Variants in C11orf86 observed in about 807,000 individuals in gnomAD.
The protein encoded by C11orf86 is uncharacterized protein C11orf86.
Under a neutral mutation model 11.1 loss-of-function variants are expected in C11orf86, and 13 were observed. The observed-to-expected ratio is 1.17, with a 90% CI of 0.76 to 1.86. The LOEUF (loss-of-function observed/expected upper bound fraction) is 1.86, where lower values mean the gene tolerates loss of function less well. Among genes scored for constraint, C11orf86 ranks in the 40% most tolerant of loss-of-function variants. C11orf86 has a pLI of 0.00. For missense variants in C11orf86, 144 were observed against 146.5 expected, an observed-to-expected ratio of 0.98 and a Z score of 0.09; for synonymous variants, 86 against 64.7, an observed-to-expected ratio of 1.33 and a Z score of -1.58.
chr11:66,976,418 G>T lies in C11orf86; in HGVS notation c.*167G>T. 1 of 649,158 alleles carries T rather than the reference G, an allele frequency of 1.5e-6. No individual in the cohort carries two copies. The highest frequency in any genetic ancestry group is 2.7e-6 in the Non-Finnish European group (1 of 367,964). The allele number at this position is 649,158 out of a possible 1,614,324, so 40.2% of individuals were successfully genotyped here. On this transcript the variant is annotated 3_prime_UTR_variant, in exon 2 of 2. Coordinates refer to ENST00000683896, the MANE Select transcript of C11orf86 (RefSeq NM_001353554.2). ...ACCAGCTCACTGGAGTCGCCACGTGGCTGCCACTCTTAGCTCTGGCCCTTC... is the reference window on the plus strand; with the variant it reads ...ACCAGCTCACTGGAGTCGCCACGTGTCTGCCACTCTTAGCTCTGGCCCTTC...
At chr11:66,975,716 G>C (rs1345112466) in intron 1 of C11orf86, 78 bp downstream of exon 1, 64 of 1,501,210 alleles carry the variant, frequency 4.3e-5, no homozygotes, top group African/African-American at 2.8e-5. Context: ...TTCAGAGACA[G>C]AGCCAGCCCA....
rs1212881560 is a variant in C11orf86 at position 66,975,600 on chromosome 11, C to T, written c.238C>T (p.Arg80Ter). The T allele has an allele frequency of 1.4e-5, 22 of 1,551,264 alleles. No homozygotes were observed. Among genetic ancestry groups the T allele is most frequent in the East Asian group, 2.4e-5 (1 of 40,928 alleles). ...CACAGAGCAGCTGATCCAAGCCCAG[C>T]GAAGAGGCAGCCGGTGGTGGCTGAG... is the stretch of plus-strand genomic sequence containing the variant. ...GDTEQLIQAQRRGSRWWLRRY... is the reference protein window; with the variant it reads ...GDTEQLIQAQ The change falls in exon 1 of 2, where the codon CGA (arginine) becomes TGA (stop). Residue 80 changes from arginine (R) to a stop codon, truncating the protein, a stop_gained. Transcript: ENST00000683896. LOFTEE classifies it low-confidence loss of function (END_TRUNC).
Position 66,975,553 on chromosome 11 carries a change from G to C in C11orf86, c.191G>C (p.Arg64Pro). ...GGGCCAGATGCCACTGCCCAGGAGC[G>C]GGTGCCGGGGAGCCTGGGGGACACA... ...TEGPDATAQE[R>P]VPGSLGDTEQ... The change falls in exon 1 of 2, where the codon CGG (arginine) becomes CCG (proline). Residue 64 changes from arginine (R) to proline (P), a missense_variant. Physicochemically the swap from Arg to Pro is moderately radical, Grantham distance 103. Coordinates refer to ENST00000683896, the MANE Select transcript of C11orf86 (RefSeq NM_001353554.2). 6.4e-7 allele frequency: 1 copy of C among 1,551,458 alleles called. No individual in the cohort carries two copies. Among genetic ancestry groups the C allele is most frequent in the Admixed American group, 2.0e-5 (1 of 50,978 alleles).
rs184875139 is a variant in C11orf86, at chr11:66,975,512, C to T, written c.150C>T (p.Leu50=). The T allele has an allele frequency of 8.4e-6, 13 of 1,551,394 alleles. No individual in the cohort carries two copies. Among genetic ancestry groups the T allele is most frequent in the South Asian group, 1.2e-5 (1 of 84,064 alleles). The change falls in exon 1 of 2, where the codon CTC becomes CTT. Residue 50 remains leucine, a synonymous_variant. Coordinates refer to ENST00000683896, the MANE Select transcript of C11orf86 (RefSeq NM_001353554.2). ...AAGAGAAGTCCAGGTCCCAGGGCCTCGAGAGAGGCACAGAAGGGCCAGATG... is the reference window on the plus strand; with the variant it reads ...AAGAGAAGTCCAGGTCCCAGGGCCTTGAGAGAGGCACAGAAGGGCCAGATG... ...QGQEKSRSQG[L]ERGTEGPDAT...
Position 66,975,498 on chromosome 11 carries a change from A to C in C11orf86, c.136A>C (p.Arg46=). The C allele has an allele frequency of 6.4e-7, 1 of 1,551,558 alleles. No homozygotes were observed. The highest frequency in any genetic ancestry group is 1.2e-5 in the South Asian group (1 of 84,058). ...CCTCAGACAGGGGCAAGAGAAGTCC[A>C]GGTCCCAGGGCCTCGAGAGAGGCAC... The part of the protein sequence containing the change: ...LSLRQGQEKS[R]SQGLERGTEG... Residue 46 remains arginine (R), a synonymous_variant, in exon 1 of 2, where the codon AGG becomes CGG. Coordinates refer to ENST00000683896, the MANE Select transcript of C11orf86 (RefSeq NM_001353554.2).
intron 1 of C11orf86, 53 bp downstream of exon 1, chr11:66,975,691 C>G: frequency 6.6e-7 from 1 of 1,524,216 alleles, no homozygotes; most frequent in Non-Finnish European, 8.8e-7. Flanking sequence ...GGCAGGGATT[C>G]CAGGGCAGGA....
rs1038707122 is a variant in C11orf86, at chr11:66,975,402, C to G, written c.40C>G (p.Arg14Gly). The G allele has an allele frequency of 1.3e-6, 2 of 1,550,648 alleles. No individual in the cohort carries two copies. Among genetic ancestry groups the G allele is most frequent in the African/African-American group, 2.7e-5 (2 of 73,010 alleles). ...GLRSQSLREP[R>G]PSYGKLQEPW... ...GCGAAGTCAGTCCTTGCGAGAGCCC[C>G]GACCCTCCTATGGAAAGCTGCAGGA... Residue 14 changes from arginine to glycine, a missense_variant, in exon 1 of 2, where the codon CGA becomes GGA. By Grantham distance (125) the Arg-to-Gly change is moderately radical. Coordinates refer to ENST00000683896, the MANE Select transcript of C11orf86 (RefSeq NM_001353554.2).
At chr11:66,975,729 C>T in intron 1 of C11orf86, 91 bp downstream of exon 1, 1 of 1,481,128 alleles carries the variant, frequency 6.8e-7, no homozygotes, top group Non-Finnish European at 8.9e-7. Flanking sequence ...CCAGCCCAGG[C>T]TGTGTACCAA....
intron 1 of C11orf86, among the ~76,000 whole-genome samples, chr11:66,975,911 T>C (rs1299764540): frequency 6.6e-6 from 1 of 152,146 alleles, no homozygotes; most frequent in Non-Finnish European, 1.5e-5. Context: ...ATTGATAGTA[T>C]GCTGGATGGG....
At chr11:66,976,072 C>A in intron 1 of C11orf86, 105 bp from the exon 2 acceptor site, 1 of 1,070,956 alleles carries the variant, frequency 9.3e-7, no homozygotes, top group Non-Finnish European at 1.4e-6. Context: ...CTCCAATGAG[C>A]AGTGCTTCTC....
Position 66,975,443 on chromosome 11 carries a change from C to G in C11orf86, c.81C>G (p.Pro27=), listed in dbSNP as rs1032133392. Residue 27 remains proline (P), a synonymous_variant, in exon 1 of 2, where the codon CCC becomes CCG. Transcript: ENST00000683896. ...AGCTGCAGGAGCCCTGGGGGAGGCC[C>G]CAGGAGGGCCAACTCCGCAGGGCGC... ...YGKLQEPWGR[P]QEGQLRRALS... The G allele has an allele frequency of 1.9e-6, 3 of 1,550,880 alleles. No homozygotes were observed. Among genetic ancestry groups the G allele is most frequent in the Admixed American group, 2.0e-5 (1 of 50,884 alleles).
chr11:66,976,112 A>T, intron 1 of C11orf86, 65 bp from the exon 2 acceptor site: 1 of 1,464,550 alleles, frequency 6.8e-7, no homozygotes, highest in Non-Finnish European at 9.4e-7. Flanking sequence ...CCTCGTGGCT[A>T]TGGGTGGAAC....
chr11:66,975,727 G>T lies in C11orf86; in HGVS notation c.276+89G>T. ...AAGGTTCAGAGACAGAGCCAGCCCAGGCTGTGTACCAAGATGACAACCGAG... is the reference window on the plus strand; with the variant it reads ...AAGGTTCAGAGACAGAGCCAGCCCATGCTGTGTACCAAGATGACAACCGAG... On this transcript the variant is annotated intron_variant, in intron 1 of 1. Coordinates refer to ENST00000683896, the MANE Select transcript of C11orf86 (RefSeq NM_001353554.2). 2.0e-6 allele frequency: 3 copies of T among 1,485,466 alleles called. No homozygotes were observed. The South Asian group carries it at 3.9e-5, about 19-fold the overall frequency. 92.0% of individuals were successfully genotyped at this position (1,485,466 alleles called of 1,614,324 possible).
chr11:66,975,960 T>C (rs1344241911), intron 1 of C11orf86, among the ~76,000 whole-genome samples: 1 of 152,144 alleles, frequency 6.6e-6, no homozygotes, highest in Non-Finnish European at 1.5e-5. Context: ...CCAGTGCAAC[T>C]TCCTGGGAAG....
Position 66,975,348 on chromosome 11 carries a change from G to C in C11orf86, c.-15G>C. 6.5e-7 allele frequency: 1 copy of C among 1,542,020 alleles called. No homozygotes were observed. The highest frequency in any genetic ancestry group is 8.7e-7 in the Non-Finnish European group (1 of 1,144,778). On this transcript the variant is annotated 5_prime_UTR_variant, in exon 1 of 2. Coordinates refer to ENST00000683896, the MANE Select transcript of C11orf86 (RefSeq NM_001353554.2). The stretch of plus-strand genomic sequence containing the variant: ...GAGGGGCCGGAGCAGTCCTGTGCCT[G>C]CAGCCTCCGGAGCCATGGGAACAGG...
At position 66,976,165 on chromosome 11, in the gene C11orf86, T is replaced by C; in HGVS notation, c.277-12T>C. 6.4e-7 allele frequency: 1 copy of C among 1,551,372 alleles called. No individual in the cohort carries two copies. On this transcript the variant is annotated splice_polypyrimidine_tract_variant and intron_variant, in intron 1 of 1. Coordinates refer to ENST00000683896, the MANE Select transcript of C11orf86 (RefSeq NM_001353554.2). Reference sequence around the variant, plus strand: ...CTCAGCCCATGGGACCTCCCCCACCTCTGTCTTCCAGCAGGTAAGAAGAAG... The same window carrying C: ...CTCAGCCCATGGGACCTCCCCCACCCCTGTCTTCCAGCAGGTAAGAAGAAG...
rs2136180740 is a variant in C11orf86 at position 66,975,373 on chromosome 11, G to A, written c.11G>A (p.Gly4Glu). 1.3e-6 allele frequency: 2 copies of A among 1,549,946 alleles called. No individual in the cohort carries two copies. The highest frequency in any genetic ancestry group is 4.9e-5 in the East Asian group (2 of 40,894). The change falls in exon 1 of 2, where the codon GGG (glycine) becomes GAG (glutamate). Residue 4 changes from glycine (G) to glutamate (E), a missense_variant. Gly to Glu is a moderately conservative substitution (Grantham distance 98, BLOSUM62 -2). Coordinates refer to ENST00000683896, the MANE Select transcript of C11orf86 (RefSeq NM_001353554.2). The part of the protein sequence containing the change: MGT[G>E]LRSQSLREPR... ...GCAGCCTCCGGAGCCATGGGAACAG[G>A]GCTGCGAAGTCAGTCCTTGCGAGAG... is the stretch of plus-strand genomic sequence containing the variant.
In C11orf86 at chr11:66,975,639, G is replaced by C; in HGVS notation, c.276+1G>C. The C allele has an allele frequency of 6.5e-7, 1 of 1,549,768 alleles. No individual in the cohort carries two copies. On this transcript the variant is annotated splice_donor_variant, in intron 1 of 1. Coordinates refer to ENST00000683896, the MANE Select transcript of C11orf86 (RefSeq NM_001353554.2). LOFTEE classifies it high-confidence loss of function. ...GTGGTGGCTGAGGCGGTACCAACAGGTATGGCTGTGGGCTGAAGGATGGAG... is the reference window on the plus strand; with the variant it reads ...GTGGTGGCTGAGGCGGTACCAACAGCTATGGCTGTGGGCTGAAGGATGGAG...
In C11orf86 at chr11:66,975,378, C is replaced by T. The variant is rs184409586; in HGVS notation, c.16C>T (p.Arg6Ter). MGTGL[R>*]SQSLREPRPS... Reference sequence around the variant, plus strand: ...CTCCGGAGCCATGGGAACAGGGCTGCGAAGTCAGTCCTTGCGAGAGCCCCG... The same window carrying T: ...CTCCGGAGCCATGGGAACAGGGCTGTGAAGTCAGTCCTTGCGAGAGCCCCG... The change falls in exon 1 of 2, where the codon CGA (arginine) becomes TGA (stop). Residue 6 changes from arginine to a stop codon, truncating the protein, a stop_gained. Transcript: ENST00000683896. LOFTEE classifies it high-confidence loss of function. The T allele has an allele frequency of 3.5e-5, 54 of 1,549,970 alleles. No homozygotes were observed. In the African/African-American group the frequency reaches 5.5e-4, roughly 16 times the overall value.
Sources: gnomAD v4.1 joint callset for allele counts (sites outside exome capture counted in the v4.1 genomes callset) on GRCh38, gnomAD v4.1.1 for gene constraint, MANE v1.5 for transcripts, NCBI Gene and HGNC (gene_info 2026-07-23, HGNC 2026-07-21) for gene names.